Variants in LDB1 observed in about 807,000 individuals in gnomAD.
LDB1 encodes LIM domain binding 1.
LDB1 carries 6 observed loss-of-function variants against 49.7 expected under a neutral mutation model. The ratio of observed to expected loss-of-function variants is 0.12; its 90% CI spans 0.07 to 0.24. LDB1 has a LOEUF of 0.24. LDB1 is among the 10% of genes least tolerant of loss of function. The pLI is 1.00. For missense variants in LDB1, 341 were observed against 561.7 expected, an observed-to-expected ratio of 0.61 and a Z score of 3.97; for synonymous variants, 233 against 202.0, an observed-to-expected ratio of 1.15 and a Z score of -1.30.
At chr10:102,118,334 C>G (rs1245666382) in intron 1 of LDB1, among the ~76,000 whole-genome samples, 1 of 152,176 alleles carries the variant, frequency 6.6e-6, no homozygotes, top group African/African-American at 2.4e-5. Context: ...CCCACTCTTC[C>G]CTATCTTTTG....
At chr10:102,114,266 G>T in intron 1 of LDB1, 1 of 880,118 alleles carries the variant, frequency 1.1e-6, no homozygotes, top group Non-Finnish European at 1.4e-6. Context: ...TCCCTTTAGG[G>T]ACTGGCCACA....
chr10:102,120,394 T>TGC (rs2068402963), upstream of LDB1: 4 of 983,368 alleles, frequency 4.1e-6, no homozygotes, highest in South Asian at 1.4e-4. Context: ...TGTGCGCGTG[T>TGC]GCGTGTGCGT....
In LDB1 at chr10:102,106,890, T is replaced by C. The variant is rs2068169167; in HGVS notation, c.*1203A>G. On this transcript the variant is annotated 3_prime_UTR_variant, in exon 11 of 11. Transcript: ENST00000673968. The stretch of plus-strand genomic sequence containing the variant: ...GTGAGGAAGGAGCGGCAGGGGATAC[T>C]GGCAGGTGAAGACCCTCTACCTCTA... Among the ~76,000 whole-genome samples, 1 of 152,140 alleles carries C rather than the reference T, an allele frequency of 6.6e-6. No individual in the cohort carries two copies. Among genetic ancestry groups the C allele is most frequent in the South Asian group, 2.1e-4 (1 of 4,838 alleles).
intron 5 of LDB1, 82 bp from the exon 6 acceptor site, chr10:102,110,783 C>T (rs1564912834): frequency 2.0e-5 from 31 of 1,576,542 alleles, no homozygotes; most frequent in Non-Finnish European, 2.5e-5. Flanking sequence ...ATCTAGATAT[C>T]CCCTGGCACT....
At chr10:102,116,690 A>T (rs1478750475) in intron 1 of LDB1, among the ~76,000 whole-genome samples, 1 of 151,992 alleles carries the variant, frequency 6.6e-6, no homozygotes, top group Non-Finnish European at 1.5e-5. Flanking sequence ...CCTATAAATC[A>T]CCCTCTCTGA....
At chr10:102,104,844 AAC>A (rs1196605338), downstream of LDB1, among the ~76,000 whole-genome samples, 1 of 152,130 alleles carries the variant, frequency 6.6e-6, no homozygotes, top group Non-Finnish European at 1.5e-5. Flanking sequence ...CACATTTAAC[AAC>A]ACACCCTCAT....
intron 1 of LDB1, among the ~76,000 whole-genome samples, chr10:102,113,908 C>G (rs1253444975): frequency 6.6e-6 from 1 of 152,224 alleles, no homozygotes; most frequent in African/African-American, 2.4e-5. Flanking sequence ...GACACAAACT[C>G]AGCATCTCTC....
rs2068401913 is a variant in LDB1 at position 102,120,347 on chromosome 10, GGT to G, written c.-239_-238del. The stretch of plus-strand genomic sequence containing the variant: ...AGCGGCCTCTGCGTGTGTGCGCGCG[GGT>G]GTGAGTCCGCGGAGTGTGTGTCCGT... On this transcript the variant is annotated 5_prime_UTR_variant, in exon 1 of 11. Coordinates refer to ENST00000673968, the MANE Select transcript of LDB1 (RefSeq NM_001113407.3). The G allele has an allele frequency of 1.0e-6, 1 of 984,362 alleles. No homozygotes were observed. Among genetic ancestry groups the G allele is most frequent in the Non-Finnish European group, 1.2e-6 (1 of 829,522 alleles). The allele number at this position is 984,362 out of a possible 1,614,324, so 61.0% of individuals were successfully genotyped here.
upstream of LDB1, among the ~76,000 whole-genome samples, chr10:102,121,182 G>T (rs2068415400): frequency 1.3e-5 from 2 of 152,092 alleles, no homozygotes; most frequent in African/African-American, 4.8e-5. Flanking sequence ...TTGGATTACG[G>T]AGGGGCGATA....
chr10:102,114,661 CCGGCCTGGGGGG>C (rs2068307892), intron 1 of LDB1: 2 of 938,214 alleles, frequency 2.1e-6, no homozygotes, highest in African/African-American at 1.8e-5. Flanking sequence ...GGCCAGGGGG[CCGGCCTGGGGGG>C]CGGGGGGCCG....
chr10:102,105,330 G>A (rs980063632), downstream of LDB1, among the ~76,000 whole-genome samples: 2 of 152,176 alleles, frequency 1.3e-5, no homozygotes, highest in East Asian at 1.9e-4. Flanking sequence ...GCTGGCAGCA[G>A]GGCACGGCCA....
At chr10:102,114,511 G>A in intron 1 of LDB1, 1 of 986,286 alleles carries the variant, frequency 1.0e-6, no homozygotes, top group Non-Finnish European at 1.2e-6. Context: ...AGCAGCTCAT[G>A]TCCCGAGTGG....
At chr10:102,118,065 C>T (rs1056601023) in intron 1 of LDB1, among the ~76,000 whole-genome samples, 2 of 152,140 alleles carry the variant, frequency 1.3e-5, no homozygotes, top group East Asian at 1.9e-4. Flanking sequence ...CCTCAGCCCT[C>T]ACCCCAGGGC....
At chr10:102,113,075 T>G (rs2068278716) in intron 1 of LDB1, among the ~76,000 whole-genome samples, 1 of 152,194 alleles carries the variant, frequency 6.6e-6, no homozygotes, top group Non-Finnish European at 1.5e-5. Context: ...ATTGGCTGTA[T>G]CTAGATCTCC....
chr10:102,110,167 A>C, intron 6 of LDB1, 124 bp from the exon 7 acceptor site: 1 of 1,068,216 alleles, frequency 9.4e-7, no homozygotes, highest in Non-Finnish European at 1.3e-6. Flanking sequence ...CTGCACATTA[A>C]ATCTGGGTGC....
In LDB1 at chr10:102,110,016, C is replaced by T; in HGVS notation, c.553G>A (p.Glu185Lys). ...QVCVEGRLYLEFMFDDMMRIK... is the reference protein window; with the variant it reads ...QVCVEGRLYLKFMFDDMMRIK... ...CGCATCATGTCGTCAAACATGAACT[C>T]CAGGTACAACCGGCCCTCCACACAC... Residue 185 changes from glutamate to lysine, a missense_variant, in exon 7 of 11, where the codon GAG becomes AAG. Coordinates refer to ENST00000673968, the MANE Select transcript of LDB1 (RefSeq NM_001113407.3). The T allele has an allele frequency of 1.2e-6, 2 of 1,613,548 alleles. No individual in the cohort carries two copies.
Position 102,109,535 on chromosome 10 carries a change from CAG to C in LDB1, c.733-30_733-29del. 1 of 1,614,004 alleles carries C rather than the reference CAG, an allele frequency of 6.2e-7. No homozygotes were observed. The highest frequency in any genetic ancestry group is 8.5e-7 in the Non-Finnish European group (1 of 1,179,980). On this transcript the variant is annotated intron_variant, in intron 8 of 10. Coordinates refer to ENST00000673968, the MANE Select transcript of LDB1 (RefSeq NM_001113407.3). This position sits in a 1 kb window ranked among gnomAD's most constrained non-coding sequence, Gnocchi z 5.8. ...AGGGGTAGACAAGGAGGTGGCTTGT[CAG>C]GGGACAGACATGGAGCCGAGACTAA...
chr10:102,116,346 T>G (rs954090594), intron 1 of LDB1, among the ~76,000 whole-genome samples: 7 of 152,222 alleles, frequency 4.6e-5, no homozygotes, highest in Admixed American at 2.0e-4. Context: ...CACACCCAGC[T>G]AATTTTTGTA....
At position 102,107,556 on chromosome 10, in the gene LDB1, G is replaced by GT; in HGVS notation, c.*536dup. 1 of 153,980 alleles carries GT rather than the reference G, an allele frequency of 6.5e-6. No individual in the cohort carries two copies. Among genetic ancestry groups the GT allele is most frequent in the South Asian group, 2.0e-4 (1 of 5,010 alleles). 9.5% of individuals were successfully genotyped at this position (153,980 alleles called of 1,614,324 possible). A position where few individuals can be genotyped will look rare whatever the true frequency, so the allele number is the denominator to read the frequency against. On this transcript the variant is annotated 3_prime_UTR_variant, in exon 11 of 11. Coordinates refer to ENST00000673968, the MANE Select transcript of LDB1 (RefSeq NM_001113407.3). Reference sequence around the variant, plus strand: ...ATAGGGGGAAGAGGGGGGGACATGAGTGATTTTTTTTTTAACTTACATTTT... The same window carrying GT: ...ATAGGGGGAAGAGGGGGGGACATGAGTTGATTTTTTTTTTAACTTACATTTT...
Sources: allele counts gnomAD v4.1 joint callset (sites outside exome capture counted in the v4.1 genomes callset), GRCh38; gene constraint gnomAD v4.1.1; non-coding constraint Gnocchi (gnomAD v3.1); transcripts MANE v1.5; gene names NCBI Gene and HGNC (gene_info 2026-07-23, HGNC 2026-07-21).